Variants in PRKCQ observed in about 807,000 individuals in gnomAD.
The protein encoded by PRKCQ is protein kinase C theta, also known as protein kinase C theta type.
In PRKCQ, 41 loss-of-function variants were observed where a neutral mutation model predicts 91.2. The ratio of observed to expected loss-of-function variants is 0.45; its 90% confidence interval spans 0.35 to 0.58. PRKCQ has a LOEUF of 0.58. Ranked by LOEUF, PRKCQ falls within the 20% of genes least tolerant of loss-of-function variation. The pLI, the probability that PRKCQ is intolerant of heterozygous loss-of-function variation, is 0.00. For synonymous variants in PRKCQ, 307 were observed against 316.9 expected (o/e 0.97, Z 0.33); for missense variants, 673 against 896.5 (o/e 0.75, Z 3.18).
chr10:6,469,645 C>T (rs1048902511), intron 12 of PRKCQ, among the ~76,000 whole-genome samples: 1 of 152,112 alleles, frequency 6.6e-6, no homozygotes. Flanking sequence ...TTTGGATTGA[C>T]CACAGAAAAG....
chr10:6,456,910 G>T, intron 14 of PRKCQ, 98 bp from the exon 15 acceptor site: 1 of 1,308,100 alleles, frequency 7.6e-7, no homozygotes, highest in Non-Finnish European at 1.1e-6. Context: ...ATTGCAGCCT[G>T]AGAGGGGCTC....
chr10:6,460,508 T>C (rs1235103473), intron 14 of PRKCQ, among the ~76,000 whole-genome samples: 1 of 152,108 alleles, frequency 6.6e-6, no homozygotes, highest in Non-Finnish European at 1.5e-5. Flanking sequence ...TTTAAATTTT[T>C]TGAGATGGAC....
intron 15 of PRKCQ, among the ~76,000 whole-genome samples, chr10:6,444,820 G>A (rs191588027): frequency 6.6e-6 from 1 of 152,132 alleles, no homozygotes; most frequent in African/African-American, 2.4e-5. Flanking sequence ...TGGCAGAATT[G>A]CAGCACTGAT....
Position 6,479,070 on chromosome 10 carries a change from C to G in PRKCQ, c.1275G>C (p.Thr425=). Reference sequence around the variant, plus strand: ...AGGAAAGAACTCTCTTCTCTACCATCGTGCACTCAACATCATCGTCCATCA... The same window carrying G: ...AGGAAAGAACTCTCTTCTCTACCATGGTGCACTCAACATCATCGTCCATCA... ...VVLMDDDVEC[T]MVEKRVLSLA... Residue 425 remains threonine (T), a synonymous_variant, in exon 12 of 18, where the codon ACG becomes ACC. Transcript: ENST00000263125. The G allele has an allele frequency of 6.2e-7, 1 of 1,614,204 alleles. No individual in the cohort carries two copies. Among genetic ancestry groups the G allele is most frequent in the African/African-American group, 1.3e-5 (1 of 75,064 alleles).
At position 6,456,711 on chromosome 10, in the gene PRKCQ, T is replaced by A; in HGVS notation, c.1610A>T (p.Asn537Ile). The change falls in exon 15 of 18, where the codon AAT becomes ATT. Residue 537 changes from asparagine to isoleucine, a missense_variant. Transcript: ENST00000263125. ...KENMLGDAKT[N>I]TFCGTPDYIA... ...GTAGTCAGGTGTCCCACAGAAGGTATTCGTCTTGGCATCTCCTAACATGTT... is the reference window on the plus strand; with the variant it reads ...GTAGTCAGGTGTCCCACAGAAGGTAATCGTCTTGGCATCTCCTAACATGTT... 1 of 1,614,190 alleles carries A rather than the reference T, an allele frequency of 6.2e-7. No individual in the cohort carries two copies. The highest frequency in any genetic ancestry group is 8.5e-7 in the Non-Finnish European group (1 of 1,180,026).
rs112233053 is a variant in PRKCQ at position 6,560,511 on chromosome 10, G to A, written c.-10+19700C>T. Among the ~76,000 whole-genome samples the A allele has an allele frequency of 1.8e-3, 280 of 152,276 alleles. 2 individuals are homozygous for A. Among genetic ancestry groups the A allele is most frequent in the African/African-American group, 6.3e-3 (263 of 41,558 alleles). On this transcript the variant is annotated intron_variant, in intron 1 of 17. Coordinates refer to ENST00000263125, the MANE Select transcript of PRKCQ (RefSeq NM_006257.5). ...GGAACCATCAGGACAAAATGAACCCGTAGAAAGTGTGGCGACTTTGTCTCC... is the reference window on the plus strand; with the variant it reads ...GGAACCATCAGGACAAAATGAACCCATAGAAAGTGTGGCGACTTTGTCTCC...
intron 1 of PRKCQ, among the ~76,000 whole-genome samples, chr10:6,531,077 G>C (rs1839374944): frequency 6.6e-6 from 1 of 152,126 alleles, no homozygotes; most frequent in Non-Finnish European, 1.5e-5. Flanking sequence ...GATGGTCCTG[G>C]AGAAACAGCA....
chr10:6,433,673 C>A (rs978888025), intron 16 of PRKCQ, among the ~76,000 whole-genome samples: 1 of 152,056 alleles, frequency 6.6e-6, no homozygotes, highest in African/African-American at 2.4e-5. Context: ...GACACCTGCA[C>A]CCCATACATT....
At chr10:6,564,137 GC>G (rs1840742515) in intron 1 of PRKCQ, among the ~76,000 whole-genome samples, 2 of 152,102 alleles carry the variant, frequency 1.3e-5, no homozygotes, top group South Asian at 4.1e-4. Flanking sequence ...GAACTCACGG[GC>G]CCCGCAAAGA....
At chr10:6,414,773 C>A in the PRKCQ span, among the ~76,000 whole-genome samples, 1 of 145,920 alleles carries the variant, frequency 6.9e-6, no homozygotes. Context: ...ATCCAAGACC[C>A]TGAGATAAAA....
intron 1 of PRKCQ, among the ~76,000 whole-genome samples, chr10:6,541,718 A>C (rs1839781639): frequency 6.6e-6 from 1 of 152,168 alleles, no homozygotes; most frequent in South Asian, 2.1e-4. Context: ...CTAAACAGGA[A>C]TCCTCCTGCT....
chr10:6,464,470 G>T, intron 12 of PRKCQ, 66 bp from the exon 13 acceptor site: 1 of 1,398,406 alleles, frequency 7.2e-7, no homozygotes, highest in Non-Finnish European at 1.0e-6. Context: ...TTTTGTCCAA[G>T]ACAGGGTCTC....
At chr10:6,551,071 G>A (rs2130934368) in intron 1 of PRKCQ, among the ~76,000 whole-genome samples, 1 of 152,108 alleles carries the variant, frequency 6.6e-6, no homozygotes, top group South Asian at 2.1e-4. Context: ...GTGCCACGGG[G>A]GTTTGTTGTA....
Position 6,430,724 on chromosome 10 carries a change from G to A in PRKCQ, c.1965+86C>T. The A allele has an allele frequency of 6.5e-7, 1 of 1,543,336 alleles. No individual in the cohort carries two copies. The highest frequency in any genetic ancestry group is 8.8e-7 in the Non-Finnish European group (1 of 1,137,828). ...GGGGAGTTGGGGCACCGGCAGGGGT[G>A]AGCAGCTGCGGTGACTTGGACAGGC... On this transcript the variant is annotated intron_variant, in intron 17 of 17. Coordinates refer to ENST00000263125, the MANE Select transcript of PRKCQ (RefSeq NM_006257.5). This position sits in a 1 kb window ranked among gnomAD's most constrained non-coding sequence, Gnocchi z 4.7.
chr10:6,480,295 A>G (rs1271676841), intron 11 of PRKCQ, among the ~76,000 whole-genome samples: 2 of 152,348 alleles, frequency 1.3e-5, no homozygotes, highest in East Asian at 3.9e-4. Flanking sequence ...ACAGAAGTTA[A>G]CAACATCAAC....
At chr10:6,433,651 A>G (rs1294920092) in intron 16 of PRKCQ, among the ~76,000 whole-genome samples, 1 of 152,176 alleles carries the variant, frequency 6.6e-6, no homozygotes, top group Non-Finnish European at 1.5e-5. Context: ...CAATCCACAT[A>G]GGTAACGAAA....
At chr10:6,572,378 C>T (rs1196394913) in intron 1 of PRKCQ, among the ~76,000 whole-genome samples, 1 of 152,116 alleles carries the variant, frequency 6.6e-6, no homozygotes, top group African/African-American at 2.4e-5. Flanking sequence ...AATGCTCTCC[C>T]TCCCTCCAAT....
chr10:6,438,407 T>A (rs117221142), intron 16 of PRKCQ, among the ~76,000 whole-genome samples: 81 of 152,388 alleles, frequency 5.3e-4, no homozygotes, highest in Non-Finnish European at 9.7e-4. Context: ...TTAGAACCCA[T>A]GGATAGCTTC....
At chr10:6,478,199 C>CA (rs1836377700) in intron 12 of PRKCQ, among the ~76,000 whole-genome samples, 1 of 152,164 alleles carries the variant, frequency 6.6e-6, no homozygotes, top group Non-Finnish European at 1.5e-5. Context: ...ATGCAGAGTA[C>CA]AGTGCAGTAG....
Sources: allele counts gnomAD v4.1 joint callset (sites outside exome capture counted in the v4.1 genomes callset), GRCh38; gene constraint gnomAD v4.1.1; non-coding constraint Gnocchi (gnomAD v3.1); transcripts MANE v1.5; gene names NCBI Gene and HGNC (gene_info 2026-07-23, HGNC 2026-07-21).